Variants in RHBDF1 observed in about 807,000 individuals in gnomAD.
RHBDF1 encodes inactive rhomboid protein 1.
RHBDF1 carries 80 observed loss-of-function variants against 98.6 expected under a neutral mutation model. That is an observed-to-expected ratio of 0.81 (90% CI 0.68 to 0.98). The LOEUF is 0.98. Ranked by LOEUF, RHBDF1 falls within the 50% of genes least tolerant of loss-of-function variation. The pLI, the probability that RHBDF1 is intolerant of heterozygous loss-of-function variation, is 0.00. For synonymous variants in RHBDF1, 512 were observed against 486.8 expected (o/e 1.05, Z -0.68); for missense variants, 1,116 against 1,198.3 (o/e 0.93, Z 1.01).
In RHBDF1 at chr16:58,737, A is replaced by G. The variant is rs1019606460; in HGVS notation, c.2171T>C (p.Phe724Ser). The G allele has an allele frequency of 1.2e-6, 2 of 1,612,526 alleles. No individual in the cohort carries two copies. Among genetic ancestry groups the G allele is most frequent in the African/African-American group, 2.7e-5 (2 of 74,928 alleles). ...CACGAAGAGGCAGGCCAGGATGCCG[A>G]ACTGGGAGCCAGCAGGACCCACCTG... ...RAEVGPAGSQ[F>S]GILACLFVEL... is the part of the protein sequence containing the mutation. The change falls in exon 18 of 18, where the codon TTC (phenylalanine) becomes TCC (serine). Residue 724 changes from phenylalanine (F) to serine (S), a missense_variant. Physicochemically the swap from Phe to Ser is radical, Grantham distance 155 (BLOSUM62 -2). Coordinates refer to ENST00000262316, the MANE Select transcript of RHBDF1 (RefSeq NM_022450.5).
upstream of RHBDF1, chr16:72,750 A>G: frequency 1.1e-6 from 1 of 936,582 alleles, no homozygotes; most frequent in Non-Finnish European, 1.3e-6. Context: ...TCCTCCCGGA[A>G]GGCCGCCGGG....
rs773848787 is a variant in RHBDF1 at position 59,560 on chromosome 16, G to A, written c.1818-66C>T. 31 of 1,544,456 alleles carry A rather than the reference G, an allele frequency of 2.0e-5. No individual in the cohort carries two copies. The African/African-American group carries it at 2.2e-4, about 11-fold the overall frequency. On this transcript the variant is annotated intron_variant, in intron 14 of 17. Coordinates refer to ENST00000262316, the MANE Select transcript of RHBDF1 (RefSeq NM_022450.5). ...GAGGGGGATTGCTGGCATCCAGGGC[G>A]AGTTTCAGCCGCACCTACCCACCTT...
rs1567114045 is a variant in RHBDF1 at position 61,716 on chromosome 16, CG to C, written c.1209-21del. ...AAGGGCCTGCGGGGTGGAGCGTCAG[CG>C]GGGGCCTCATCCCCGACCCGGAGCC... On this transcript the variant is annotated intron_variant, in intron 8 of 17. Coordinates refer to ENST00000262316, the MANE Select transcript of RHBDF1 (RefSeq NM_022450.5). 6.2e-7 allele frequency: 1 copy of C among 1,612,728 alleles called. No homozygotes were observed. Among genetic ancestry groups the C allele is most frequent in the Admixed American group, 1.7e-5 (1 of 59,988 alleles).
intron 1 of RHBDF1, among the ~76,000 whole-genome samples, chr16:68,069 G>T (rs1218523378): frequency 6.6e-6 from 1 of 152,146 alleles, no homozygotes; most frequent in East Asian, 1.9e-4. Flanking sequence ...GTCTCAGCCG[G>T]GGACCACAGT....
At chr16:62,951 C>T (rs199634798) in intron 5 of RHBDF1, 22 bp downstream of exon 5, 503 of 1,612,260 alleles carry the variant, frequency 3.1e-4, no homozygotes, top group Non-Finnish European at 4.1e-4. Flanking sequence ...CCCCCAACCC[C>T]GCCTTTGGCC....
upstream of RHBDF1, chr16:72,731 C>T (rs1272244905): frequency 1.0e-6 from 1 of 978,352 alleles, no homozygotes; most frequent in African/African-American, 1.8e-5. Flanking sequence ...CTGCCCGGCC[C>T]AAGTCACCTC....
chr16:64,279 C>T (rs1162288446), intron 3 of RHBDF1: 1 of 1,333,946 alleles, frequency 7.5e-7, no homozygotes, highest in Non-Finnish European at 9.9e-7. Flanking sequence ...CAAGAGGTCA[C>T]ATGCCAAGCA....
chr16:75,551 G>T (rs576364570), upstream of RHBDF1, among the ~76,000 whole-genome samples: 1 of 152,330 alleles, frequency 6.6e-6, no homozygotes, highest in South Asian at 2.1e-4. Flanking sequence ...CCAGTGGCCT[G>T]AAGTCATAGG....
chr16:64,472 C>T, intron 3 of RHBDF1: 1 of 1,512,690 alleles, frequency 6.6e-7, no homozygotes, highest in Non-Finnish European at 8.9e-7. Flanking sequence ...GCGGTGGAGA[C>T]AGAGAAGGAG....
rs1460182659 is a variant in RHBDF1 at position 61,015 on chromosome 16, A to G, written c.1557+105T>C. 3.1e-6 allele frequency: 4 copies of G among 1,276,506 alleles called. No individual in the cohort carries two copies. The East Asian group carries it at 1.0e-4, about 33-fold the overall frequency. 79.1% of individuals were successfully genotyped at this position (1,276,506 alleles called of 1,614,324 possible). A position where few individuals can be genotyped will look rare whatever the true frequency, so the allele number is the denominator to read the frequency against. ...AGGCCTTGCGCGTAAGGACGGCGGG[A>G]TGTGCCAGGAACGAGGGCGAAGGAT... On this transcript the variant is annotated intron_variant, in intron 11 of 17. Coordinates refer to ENST00000262316, the MANE Select transcript of RHBDF1 (RefSeq NM_022450.5).
intron 8 of RHBDF1, 46 bp from the exon 9 acceptor site, chr16:61,742 C>T: frequency 5.6e-6 from 9 of 1,612,142 alleles, no homozygotes; most frequent in Non-Finnish European, 7.6e-6. Flanking sequence ...GACCCGGAGC[C>T]CCCACCCTCC....
chr16:60,742 C>CAG, intron 11 of RHBDF1: 1 of 585,588 alleles, frequency 1.7e-6, no homozygotes, highest in Non-Finnish European at 3.0e-6. Context: ...AAATCAGAAA[C>CAG]AACCTCTGTG....
At position 59,061 on chromosome 16, in the gene RHBDF1, T is replaced by C; in HGVS notation, c.2061A>G (p.Ala687=). 6.2e-7 allele frequency: 1 copy of C among 1,613,570 alleles called. No individual in the cohort carries two copies. Among genetic ancestry groups the C allele is most frequent in the Non-Finnish European group, 8.5e-7 (1 of 1,180,010 alleles). Residue 687 remains alanine, a synonymous_variant, in exon 17 of 18, where the codon GCA becomes GCG. Coordinates refer to ENST00000262316, the MANE Select transcript of RHBDF1 (RefSeq NM_022450.5). ...MTVLRDLEKL[A]GWHRIAIIYL... ...AGATGATGGCTATGCGGTGCCAGCC[T>C]GCCAGCTTCTCCAGGTCCCGCAGGA... is the stretch of plus-strand genomic sequence containing the variant.
Position 62,034 on chromosome 16 carries a change from C to T in RHBDF1, c.972G>A (p.Trp324Ter), listed in dbSNP as rs1347358279. 1 of 1,503,694 alleles carries T rather than the reference C, an allele frequency of 6.7e-7. No homozygotes were observed. The highest frequency in any genetic ancestry group is 1.3e-5 in the South Asian group (1 of 78,116). 93.1% of individuals were successfully genotyped at this position (1,503,694 alleles called of 1,614,324 possible). The change falls in exon 8 of 18, where the codon TGG becomes TGA. Residue 324 changes from tryptophan to a stop codon, truncating the protein, a stop_gained. Transcript: ENST00000262316. LOFTEE classifies it high-confidence loss of function. ...SHLMLPLERG[W>*]RKQKEGAAAP... ...CTGCGGCGCCCTCCTTCTGCTTCCG[C>T]CAGCCTCGCTCCAAGGGCCTGGAGG...
At chr16:65,156 C>A in intron 1 of RHBDF1, 117 bp from the exon 2 acceptor site, 1 of 1,094,622 alleles carries the variant, frequency 9.1e-7, no homozygotes. Flanking sequence ...CTCATGTCCC[C>A]CACTGTCAGA....
chr16:62,117 G>A, intron 7 of RHBDF1, 65 bp from the exon 8 acceptor site: 1 of 1,427,826 alleles, frequency 7.0e-7, no homozygotes, highest in Non-Finnish European at 9.1e-7. Flanking sequence ...CTCCCCGGGG[G>A]GCACCAGGGC....
At chr16:72,917 T>A (rs1240073294), upstream of RHBDF1, among the ~76,000 whole-genome samples, 1 of 152,130 alleles carries the variant, frequency 6.6e-6, no homozygotes, top group Non-Finnish European at 1.5e-5. Flanking sequence ...TGTCCTGCCC[T>A]GATTTGTGCT....
rs1414084012 is a variant in RHBDF1, at chr16:62,868, G to A, written c.702C>T (p.Arg234=). Residue 234 remains arginine (R), a synonymous_variant, in exon 6 of 18, where the codon CGC becomes CGT. Coordinates refer to ENST00000262316, the MANE Select transcript of RHBDF1 (RefSeq NM_022450.5). ...GAGTGAAGCTTCGACGCTGTGCCCG[G>A]CGAAAGGTGCCATCCCTAACGGAGC... The part of the protein sequence containing the change: ...KGRSVRDGTF[R]RAQRRSFTPA... 1 of 1,613,952 alleles carries A rather than the reference G, an allele frequency of 6.2e-7. No homozygotes were observed. Among genetic ancestry groups the A allele is most frequent in the Non-Finnish European group, 8.5e-7 (1 of 1,179,980 alleles).
Position 59,850 on chromosome 16 carries a change from T to C in RHBDF1, c.1723-24A>G, listed in dbSNP as rs1897541859. On this transcript the variant is annotated intron_variant, in intron 13 of 17. Coordinates refer to ENST00000262316, the MANE Select transcript of RHBDF1 (RefSeq NM_022450.5). ...ATCTGGGTCACAAATGAGGACGAGCTGAGTCAGGGCCTCCCCCAACCTTTG... is the reference window on the plus strand; with the variant it reads ...ATCTGGGTCACAAATGAGGACGAGCCGAGTCAGGGCCTCCCCCAACCTTTG... 4 of 1,613,952 alleles carry C rather than the reference T, an allele frequency of 2.5e-6. No individual in the cohort carries two copies. The African/African-American group carries it at 4.0e-5, about 16-fold the overall frequency.
Sources: gnomAD v4.1 joint callset for allele counts (sites outside exome capture counted in the v4.1 genomes callset) on GRCh38, gnomAD v4.1.1 for gene constraint, MANE v1.5 for transcripts, NCBI Gene and HGNC (gene_info 2026-07-23, HGNC 2026-07-21) for gene names.